The following FCRL3 variants were observed in gnomAD, a reference collection of about 807,000 sequenced individuals.
FCRL3 encodes Fc receptor like 3, also known as Fc receptor-like protein 3.
In FCRL3, 89 loss-of-function variants were observed where a neutral mutation model predicts 75.0. The ratio of observed to expected loss-of-function variants is 1.19; its 90% CI spans 1.00 to 1.42. The LOEUF is 1.42. Ranked by LOEUF, FCRL3 falls within the 40% of genes most tolerant of loss-of-function variation. FCRL3 has a pLI of 0.00. For synonymous variants in FCRL3, 376 were observed against 348.5 expected (o/e 1.08, Z -0.88); for missense variants, 946 against 880.0 (o/e 1.07, Z -0.95).
intron 2 of FCRL3, among the ~76,000 whole-genome samples, chr1:157,700,130 G>A (rs1054927228): frequency 6.6e-6 from 1 of 152,188 alleles, no homozygotes; most frequent in African/African-American, 2.4e-5. Flanking sequence ...TAGGTTTTTA[G>A]AAGTAACTGC....
chr1:157,699,933 G>A lies in FCRL3; in HGVS notation c.32-221C>T, dbSNP rs546143759. ...TCTCTGCTATTATTTACTTGGCCAC[G>A]GCACACTTTATTCTCTCCTTCTCTT... On this transcript the variant is annotated intron_variant, in intron 2 of 14. Coordinates refer to ENST00000368184, the MANE Select transcript of FCRL3 (RefSeq NM_052939.4). Among the ~76,000 whole-genome samples, 16 of 152,212 alleles carry A rather than the reference G, an allele frequency of 1.1e-4. No homozygotes were observed. In the South Asian group the frequency reaches 1.5e-3, roughly 14 times the overall value.
chr1:157,697,909 G>T lies in FCRL3; in HGVS notation c.309C>A (p.Ile103=). 1 of 1,613,682 alleles carries T rather than the reference G, an allele frequency of 6.2e-7. No homozygotes were observed. Among genetic ancestry groups the T allele is most frequent in the Non-Finnish European group, 8.5e-7 (1 of 1,179,926 alleles). ...CAAAGACAGGATGTAAAGCCTGCAG[G>T]ATCAGCCAGTCTGCAAAGAGCACAG... ...VHVEFSPDWL[I]LQALHPVFEG... The change falls in exon 5 of 15, where the codon ATC becomes ATA. Residue 103 remains isoleucine (I), a synonymous_variant. Transcript: ENST00000368184.
intron 10 of FCRL3, among the ~76,000 whole-genome samples, chr1:157,686,114 AG>A (rs1340215047): frequency 6.6e-6 from 1 of 152,136 alleles, no homozygotes; most frequent in Non-Finnish European, 1.5e-5. Flanking sequence ...CACAAAATTA[AG>A]GTACAAAAAC....
intron 10 of FCRL3, among the ~76,000 whole-genome samples, chr1:157,685,414 C>T (rs1015663663): frequency 2.6e-4 from 40 of 152,114 alleles, no homozygotes; most frequent in African/African-American, 9.2e-4. Context: ...CCCAACATTG[C>T]AGCACCCAGA....
chr1:157,697,421 A>T lies in FCRL3; in HGVS notation c.563T>A (p.Leu188Gln). The change falls in exon 6 of 15, where the codon CTG becomes CAG. Residue 188 changes from leucine (L) to glutamine (Q), a missense_variant. Leu to Gln is a moderately radical substitution (Grantham distance 113). Transcript: ENST00000368184. Reference sequence around the variant, plus strand: ...GGCTCTCAGCACAGGATGTAGAAACAGCTCTAATGAAAAGAAACAACATAG... The same window carrying T: ...GGCTCTCAGCACAGGATGTAGAAACTGCTCTAATGAAAAGAAACAACATAG... Reference protein sequence around the residue: ...SKPLNIQVQELFLHPVLRASS... With the variant: ...SKPLNIQVQEQFLHPVLRASS... The T allele has an allele frequency of 6.5e-7, 1 of 1,533,794 alleles. No individual in the cohort carries two copies. The highest frequency in any genetic ancestry group is 8.7e-7 in the Non-Finnish European group (1 of 1,145,194).
chr1:157,677,249 C>T lies in FCRL3; in HGVS notation c.*1461G>A. 3.0e-6 allele frequency: 3 copies of T among 1,002,036 alleles called. No individual in the cohort carries two copies. Among genetic ancestry groups the T allele is most frequent in the Non-Finnish European group, 3.6e-6 (3 of 838,958 alleles). The allele number at this position is 1,002,036 out of a possible 1,614,324, so 62.1% of individuals were successfully genotyped here. ...AACTCAGCTTCCATAGTGATGGAAC[C>T]TAAGGGTAGCAGAGTTTATGGTGAC... On this transcript the variant is annotated 3_prime_UTR_variant, in exon 15 of 15. Coordinates refer to ENST00000368184, the MANE Select transcript of FCRL3 (RefSeq NM_052939.4).
chr1:157,681,891 T>C (rs1376080975), intron 11 of FCRL3, among the ~76,000 whole-genome samples: 2 of 152,114 alleles, frequency 1.3e-5, no homozygotes, highest in Admixed American at 6.5e-5. Flanking sequence ...TCTCCACATC[T>C]TCTCCAGCAC....
intron 3 of FCRL3, among the ~76,000 whole-genome samples, 179 bp downstream of exon 3, chr1:157,699,513 A>C (rs1400986107): frequency 6.6e-6 from 1 of 152,008 alleles, no homozygotes; most frequent in African/African-American, 2.4e-5. Flanking sequence ...AAAAAAAAAA[A>C]AAAACCTAGA....
intron 8 of FCRL3, among the ~76,000 whole-genome samples, chr1:157,694,271 G>T (rs1655750707): frequency 6.6e-6 from 1 of 152,144 alleles, no homozygotes; most frequent in Non-Finnish European, 1.5e-5. Context: ...ATAAGCACAA[G>T]ACTAGTAAGA....
Position 157,680,996 on chromosome 1 carries a change from G to A in FCRL3, c.1942C>T (p.Pro648Ser). The change falls in exon 12 of 15, where the codon CCA (proline) becomes TCA (serine). Residue 648 changes from proline to serine, a missense_variant. Pro to Ser is a moderately conservative substitution (Grantham distance 74, BLOSUM62 -1). Transcript: ENST00000368184. ...GAGTCCTCACCATTGCTGTACATTG[G>A]CTCCAGCTCCATTGGGGCTAGTGGT... Reference protein sequence around the residue: ...SKPLAPMELEPMYSNVNPGDS... With the variant: ...SKPLAPMELESMYSNVNPGDS... 1 of 1,589,984 alleles carries A rather than the reference G, an allele frequency of 6.3e-7. No homozygotes were observed. Among genetic ancestry groups the A allele is most frequent in the Non-Finnish European group, 8.5e-7 (1 of 1,171,556 alleles).
At chr1:157,680,866 G>GCA in intron 12 of FCRL3, 96 bp from the exon 13 acceptor site, 1 of 1,448,052 alleles carries the variant, frequency 6.9e-7, no homozygotes, top group Non-Finnish European at 9.6e-7. Context: ...TCTATTCCCA[G>GCA]TGTAATGCTA....
chr1:157,677,218 T>C lies in FCRL3; in HGVS notation c.*1492A>G. The stretch of plus-strand genomic sequence containing the variant: ...CGTAATGGAGGACAAAAGTGCCTTC[T>C]GGTGAAACTCAGCTTCCATAGTGAT... On this transcript the variant is annotated 3_prime_UTR_variant, in exon 15 of 15. Coordinates refer to ENST00000368184, the MANE Select transcript of FCRL3 (RefSeq NM_052939.4). 3 of 1,006,392 alleles carry C rather than the reference T, an allele frequency of 3.0e-6. No homozygotes were observed. The highest frequency in any genetic ancestry group is 3.6e-6 in the Non-Finnish European group (3 of 841,498). 62.3% of individuals were successfully genotyped at this position (1,006,392 alleles called of 1,614,324 possible).
chr1:157,691,823 A>T (rs1166585688), intron 8 of FCRL3: 1 of 152,170 alleles, frequency 6.6e-6, no homozygotes, highest in Non-Finnish European at 1.5e-5. Context: ...TTCTGAATGC[A>T]TATTCCCCTA....
In FCRL3 at chr1:157,690,243, CTAT is replaced by C; in HGVS notation, c.1690+9_1690+11del. ...ATAACTGTGACCTCTAGCCCAGGTA[CTAT>C]TAACACACCTGTAACATTGAGTGTC... On this transcript the variant is annotated intron_variant, in intron 9 of 14. Transcript: ENST00000368184. 1 of 1,613,422 alleles carries C rather than the reference CTAT, an allele frequency of 6.2e-7. No individual in the cohort carries two copies. Among genetic ancestry groups the C allele is most frequent in the South Asian group, 1.1e-5 (1 of 91,010 alleles).
In FCRL3 at chr1:157,677,620, C is replaced by A; in HGVS notation, c.*1090G>T. 2.0e-6 allele frequency: 2 copies of A among 984,652 alleles called. No homozygotes were observed. Among genetic ancestry groups the A allele is most frequent in the Non-Finnish European group, 2.4e-6 (2 of 829,420 alleles). 61.0% of individuals were successfully genotyped at this position (984,652 alleles called of 1,614,324 possible). ...TGGTGATAGCTAGGAAAACATTAAGCCAGATATTTTACACAAGTAAATACT... is the reference window on the plus strand; with the variant it reads ...TGGTGATAGCTAGGAAAACATTAAGACAGATATTTTACACAAGTAAATACT... On this transcript the variant is annotated 3_prime_UTR_variant, in exon 15 of 15. Transcript: ENST00000368184.
rs966284612 is a variant in FCRL3 at position 157,698,061 on chromosome 1, CT to C, written c.299-143del. On this transcript the variant is annotated intron_variant, in intron 4 of 14. Transcript: ENST00000368184. ...CACATTGCCATGTGGCCCCAAATAC[CT>C]GATTCTTCCTTGCCCTACAAGGGTG... 3.3e-6 allele frequency: 3 copies of C among 919,546 alleles called. No homozygotes were observed. In the African/African-American group the frequency reaches 5.0e-5, roughly 15 times the overall value. 57.0% of individuals were successfully genotyped at this position (919,546 alleles called of 1,614,324 possible).
At chr1:157,700,247 T>C (rs557463052) in intron 2 of FCRL3, among the ~76,000 whole-genome samples, 51 of 152,276 alleles carry the variant, frequency 3.3e-4, no homozygotes, top group African/African-American at 9.6e-4. Context: ...AGAAAAGCAG[T>C]GGGTGAGAAA....
chr1:157,684,539 C>T (rs1046392106), intron 10 of FCRL3, among the ~76,000 whole-genome samples: 2 of 152,128 alleles, frequency 1.3e-5, no homozygotes, highest in Non-Finnish European at 2.9e-5. Context: ...GGGAGTCAGT[C>T]TATCTCCTTA....
At position 157,691,097 on chromosome 1, in the gene FCRL3, T is replaced by C. The variant is rs1307705981; in HGVS notation, c.1412-564A>G. ...ATAGGATGGAGAATTATCTGTTTGT[T>C]CGTTGCTGTATTTATAGCTGTTGGA... On this transcript the variant is annotated intron_variant, in intron 8 of 14. Coordinates refer to ENST00000368184, the MANE Select transcript of FCRL3 (RefSeq NM_052939.4). 2.6e-5 allele frequency among the ~76,000 whole-genome samples: 4 copies of C among 152,224 alleles called. No individual in the cohort carries two copies. In the East Asian group the frequency reaches 5.8e-4, roughly 22 times the overall value.
Sources: allele counts gnomAD v4.1 joint callset (sites outside exome capture counted in the v4.1 genomes callset), GRCh38; gene constraint gnomAD v4.1.1; transcripts MANE v1.5; gene names NCBI Gene and HGNC (gene_info 2026-07-23, HGNC 2026-07-21).